MAP3K5: variants seen among roughly 807,000 people sequenced by gnomAD.
MAP3K5 encodes mitogen-activated protein kinase kinase kinase 5, also known as ASK-1.
MAP3K5 carries 56 observed loss-of-function variants against 158.7 expected under a neutral mutation model. The observed-to-expected ratio is 0.35, with a 90% CI of 0.28 to 0.44. MAP3K5 has a LOEUF of 0.44. MAP3K5 is among the 20% of genes least tolerant of loss of function. The pLI, the probability that MAP3K5 is intolerant of heterozygous loss-of-function variation, is 1.00. For synonymous variants in MAP3K5, 579 were observed against 601.7 expected (o/e 0.96, Z 0.55); for missense variants, 1,294 against 1,674.8 (o/e 0.77, Z 3.97).
chr6:136,714,071 T>C (rs1781422701), intron 2 of MAP3K5, among the ~76,000 whole-genome samples: 1 of 152,228 alleles, frequency 6.6e-6, no homozygotes, highest in Non-Finnish European at 1.5e-5. Context: ...TTTAATTCCA[T>C]GCACAACTCA....
chr6:136,781,383 T>C (rs1418037014), intron 1 of MAP3K5, among the ~76,000 whole-genome samples: 1 of 152,326 alleles, frequency 6.6e-6, no homozygotes, highest in East Asian at 1.9e-4. Context: ...GAATCAGAAG[T>C]TGTGTGACTA....
chr6:136,739,371 T>C lies in MAP3K5; in HGVS notation c.449-18782A>G, dbSNP rs1782616655. Among the ~76,000 whole-genome samples the C allele has an allele frequency of 2.0e-5, 3 of 152,102 alleles. No individual in the cohort carries two copies. The South Asian group carries it at 6.4e-4, about 32-fold the overall frequency. On this transcript the variant is annotated intron_variant, in intron 1 of 29. Transcript: ENST00000359015. The stretch of plus-strand genomic sequence containing the variant: ...CTGTCAACCAACAATAACAATAGTC[T>C]TTGTCACAGAAAGGGCTTAACAACA...
At chr6:136,764,944 GA>G (rs1783899135) in intron 1 of MAP3K5, among the ~76,000 whole-genome samples, 1 of 152,160 alleles carries the variant, frequency 6.6e-6, no homozygotes. Flanking sequence ...TCAGCTCTCT[GA>G]ACATGTATCT....
Position 136,592,608 on chromosome 6 carries a change from A to G in MAP3K5, c.2885T>C (p.Leu962Pro). 1 of 1,613,096 alleles carries G rather than the reference A, an allele frequency of 6.2e-7. No individual in the cohort carries two copies. Among genetic ancestry groups the G allele is most frequent in the Non-Finnish European group, 8.5e-7 (1 of 1,179,228 alleles). ...SALSAGSNEY[L>P]RSISLPVPVL... ...AGGTACCGGCAAGGATATACTCCTGAGATATTCTGCTTGTGATGAGAGGAG... is the reference window on the plus strand; with the variant it reads ...AGGTACCGGCAAGGATATACTCCTGGGATATTCTGCTTGTGATGAGAGGAG... Residue 962 changes from leucine to proline, a missense_variant, in exon 22 of 30, where the codon CTC becomes CCC. Transcript: ENST00000359015.
chr6:136,746,049 T>C (rs575756180), intron 1 of MAP3K5, among the ~76,000 whole-genome samples: 1 of 152,264 alleles, frequency 6.6e-6, no homozygotes, highest in East Asian at 1.9e-4. Flanking sequence ...GCTGCATGGG[T>C]CCAGGTGCGA....
intron 25 of MAP3K5, among the ~76,000 whole-genome samples, chr6:136,577,377 C>A (rs1421617576): frequency 1.3e-5 from 2 of 152,118 alleles, no homozygotes; most frequent in Non-Finnish European, 2.9e-5. Context: ...GAGGGAAATA[C>A]AAAAAGTACT....
At position 136,791,981 on chromosome 6, in the gene MAP3K5, G is replaced by A. The variant is rs373729810; in HGVS notation, c.177C>T (p.Ser59=). The A allele has an allele frequency of 2.1e-5, 33 of 1,607,066 alleles. No homozygotes were observed. The African/African-American group carries it at 3.2e-4, about 16-fold the overall frequency. The change falls in exon 1 of 30, where the codon AGC becomes AGT. Residue 59 remains serine (S), a synonymous_variant. Coordinates refer to ENST00000359015, the MANE Select transcript of MAP3K5 (RefSeq NM_005923.4). ...GACAACCGATGCCAGGGGCAGCGGC[G>A]CTCTCCACGTTCCAGAAGCTGCCCG... ...PPPGSFWNVE[S]AAAPGIGCPA...
At chr6:136,750,236 C>A (rs1457224934) in intron 1 of MAP3K5, among the ~76,000 whole-genome samples, 2 of 152,154 alleles carry the variant, frequency 1.3e-5, no homozygotes, top group Non-Finnish European at 2.9e-5. Context: ...CACGAGCACG[C>A]CTGGCTAATT....
Position 136,732,240 on chromosome 6 carries a change from C to G in MAP3K5, c.449-11651G>C, listed in dbSNP as rs150462185. Among the ~76,000 whole-genome samples, 321 of 152,174 alleles carry G rather than the reference C, an allele frequency of 2.1e-3. 6 individuals are homozygous for G. The South Asian group carries it at 0.032, about 15-fold the overall frequency. ...AGGAGTTCGAGACCAGCCTGACCAA[C>G]ATGGTGAAATACCGTCTCTACCAAA... On this transcript the variant is annotated intron_variant, in intron 1 of 29. Transcript: ENST00000359015.
chr6:136,625,019 G>A (rs1314806177), intron 14 of MAP3K5, among the ~76,000 whole-genome samples: 2 of 152,186 alleles, frequency 1.3e-5, no homozygotes, highest in Non-Finnish European at 2.9e-5. Context: ...AAAGGTGACT[G>A]CAGAAGCTAG....
At chr6:136,760,237 G>A (rs2114964019) in intron 1 of MAP3K5, among the ~76,000 whole-genome samples, 1 of 152,226 alleles carries the variant, frequency 6.6e-6, no homozygotes, top group African/African-American at 2.4e-5. Context: ...AGACTAGTCA[G>A]CAGTCAGTTA....
At chr6:136,560,687 C>A (rs1488330181) in intron 28 of MAP3K5, among the ~76,000 whole-genome samples, 2 of 152,058 alleles carry the variant, frequency 1.3e-5, no homozygotes, top group Non-Finnish European at 2.9e-5. Flanking sequence ...GTGGTTCATG[C>A]CTGTAGCCCC....
At chr6:136,623,546 G>A (rs1368794806) in intron 14 of MAP3K5, among the ~76,000 whole-genome samples, 1 of 152,136 alleles carries the variant, frequency 6.6e-6, no homozygotes, top group Non-Finnish European at 1.5e-5. Context: ...AAAAATAGAG[G>A]AAAATTTTGA....
At chr6:136,574,068 T>C (rs952157392) in intron 25 of MAP3K5, among the ~76,000 whole-genome samples, 5 of 152,012 alleles carry the variant, frequency 3.3e-5, no homozygotes, top group African/African-American at 1.2e-4. Context: ...GTAGTTAGGA[T>C]TATAGGCATG....
At chr6:136,745,502 G>C (rs930865326) in intron 1 of MAP3K5, among the ~76,000 whole-genome samples, 1 of 152,066 alleles carries the variant, frequency 6.6e-6, no homozygotes, top group African/African-American at 2.4e-5. Context: ...TGCTGGGAAC[G>C]CTCCCCACTG....
At chr6:136,666,397 TAAA>T (rs1171891097) in intron 8 of MAP3K5, among the ~76,000 whole-genome samples, 1 of 152,180 alleles carries the variant, frequency 6.6e-6, no homozygotes, top group East Asian at 1.9e-4. Flanking sequence ...AAAAGCATCT[TAAA>T]GAAGGGACTT....
At position 136,641,892 on chromosome 6, in the gene MAP3K5, G is replaced by A. The variant is rs556092960; in HGVS notation, c.1838+628C>T. 3.2e-4 allele frequency among the ~76,000 whole-genome samples: 48 copies of A among 151,626 alleles called. No homozygotes were observed. The South Asian group carries it at 6.5e-3, about 20-fold the overall frequency. ...AATCCCAGCTACTTGGGAGGCTGAG[G>A]CAGGAGAACATTTTGGACCTGGGAG... On this transcript the variant is annotated intron_variant, in intron 12 of 29. Coordinates refer to ENST00000359015, the MANE Select transcript of MAP3K5 (RefSeq NM_005923.4).
rs117956443 is a variant in MAP3K5 at position 136,682,888 on chromosome 6, C to A, written c.1253+11252G>T. On this transcript the variant is annotated intron_variant, in intron 7 of 29. Transcript: ENST00000359015. ...GGCCTGTGTAAAAATTATGCAGACT[C>A]TATACATTTTCCCTCATTAGCTAAA... 2.1e-3 allele frequency among the ~76,000 whole-genome samples: 312 copies of A among 152,132 alleles called. 10 individuals carry two copies. The East Asian group carries it at 0.034, about 17-fold the overall frequency.
chr6:136,741,490 A>G (rs973442959), intron 1 of MAP3K5, among the ~76,000 whole-genome samples: 2 of 151,930 alleles, frequency 1.3e-5, no homozygotes, highest in Non-Finnish European at 2.9e-5. Flanking sequence ...CAAAATAATA[A>G]AAGTGTTCAA....
Sources: gnomAD v4.1 joint callset for allele counts (sites outside exome capture counted in the v4.1 genomes callset) on GRCh38, gnomAD v4.1.1 for gene constraint, MANE v1.5 for transcripts, NCBI Gene and HGNC (gene_info 2026-07-23, HGNC 2026-07-21) for gene names.